The following ATR variants were observed in gnomAD, a reference collection of about 807,000 sequenced individuals.
The protein encoded by ATR is serine/threonine-protein kinase ATR.
ATR carries 142 observed loss-of-function variants against 305.3 expected under a neutral mutation model. The observed-to-expected ratio is 0.47, with a 90% CI of 0.41 to 0.53. The LOEUF (loss-of-function observed/expected upper bound fraction) is 0.53. Among genes scored for constraint, ATR ranks in the 20% least tolerant of loss-of-function variants. The probability of loss-of-function intolerance (pLI) is 0.00; values close to 1 mark genes in which losing one functional copy is unlikely to be tolerated. For missense variants in ATR, 2,135 were observed against 3,133.1 expected (o/e 0.68, Z 7.60); for synonymous variants, 1,050 against 1,068.1 (o/e 0.98, Z 0.33).
chr3:142,550,870 C>T (rs974538508), intron 13 of ATR, among the ~76,000 whole-genome samples: 1 of 152,044 alleles, frequency 6.6e-6, no homozygotes, highest in Non-Finnish European at 1.5e-5. Flanking sequence ...TCACTGCAAC[C>T]GCCACCTCCT....
At chr3:142,549,362 T>C in intron 15 of ATR, 117 bp downstream of exon 15, 2 of 672,360 alleles carry the variant, frequency 3.0e-6, no homozygotes, top group South Asian at 5.7e-5. Context: ...ACATTTAAAC[T>C]TACATTCTTC....
intron 24 of ATR, among the ~76,000 whole-genome samples, chr3:142,516,152 C>T (rs1194152671): frequency 2.6e-5 from 4 of 152,114 alleles, no homozygotes; most frequent in Admixed American, 6.6e-5. Context: ...TCTTCTGTTC[C>T]GTGACCCTGC....
Position 142,465,209 on chromosome 3 carries a change from T to C in ATR, c.6929A>G (p.Lys2310Arg). 1 of 1,611,442 alleles carries C rather than the reference T, an allele frequency of 6.2e-7. No individual in the cohort carries two copies. Among genetic ancestry groups the C allele is most frequent in the Non-Finnish European group, 8.5e-7 (1 of 1,178,360 alleles). Residue 2310 changes from lysine (K) to arginine (R), a missense_variant, in exon 41 of 47, where the codon AAG (lysine) becomes AGG (arginine). Physicochemically the swap from Lys to Arg is conservative, Grantham distance 26. Around this residue, in one of 9 missense-constraint regions of ATR, gnomAD observed 462 missense variants for 887.6 expected, o/e 0.52. Coordinates refer to ENST00000350721, the MANE Select transcript of ATR (RefSeq NM_001184.4). ...VEILASLQKP[K>R]KISLKGSDGK... is the part of the protein sequence containing the mutation. ...ATCTGAGCCTTTTAAAGAAATCTTC[T>C]TTGGTTTCTGAAGAGAAGCAAGAAT...
intron 33 of ATR, among the ~76,000 whole-genome samples, chr3:142,496,731 C>T (rs2031667453): frequency 6.6e-6 from 1 of 152,056 alleles, no homozygotes; most frequent in South Asian, 2.1e-4. Flanking sequence ...ACTTTTCTTA[C>T]AGTGTTCTGT....
intron 8 of ATR, 67 bp downstream of exon 8, chr3:142,558,557 A>AATAAATAAATAAATAG (rs1553771187): frequency 3.2e-6 from 2 of 620,140 alleles, no homozygotes; most frequent in East Asian, 4.2e-5. Flanking sequence ...TAAATAAATA[A>AATAAATAAATAAATAG]ATAGATAGAT....
chr3:142,490,437 A>G (rs1468996100), intron 35 of ATR, among the ~76,000 whole-genome samples: 3 of 152,222 alleles, frequency 2.0e-5, no homozygotes, highest in Non-Finnish European at 4.4e-5. Flanking sequence ...ATGTATTACA[A>G]GTATTTTCTC....
In ATR at chr3:142,554,111, C is replaced by T. The variant is rs76681847; in HGVS notation, c.2342-96G>A. ...CAACAAATAATATGCCATGAAGAAT[C>T]CTAAGTTCTCTTATAATGTCAATGT... On this transcript the variant is annotated intron_variant, in intron 10 of 46. Coordinates refer to ENST00000350721, the MANE Select transcript of ATR (RefSeq NM_001184.4). The T allele has an allele frequency of 2.3e-3, 2,454 of 1,061,520 alleles. 43 individuals carry two copies. The African/African-American group carries it at 0.033, about 14-fold the overall frequency. The allele number at this position is 1,061,520 out of a possible 1,614,324, so 65.8% of individuals were successfully genotyped here. A position where few individuals can be genotyped will look rare whatever the true frequency, so the allele number is the denominator to read the frequency against.
At chr3:142,538,773 T>C (rs914581332) in intron 18 of ATR, 148 bp from the exon 19 acceptor site, 9 of 1,056,554 alleles carry the variant, frequency 8.5e-6, no homozygotes, top group African/African-American at 3.2e-5. Context: ...CAGTGCTATA[T>C]ATTCAAATAA....
At chr3:142,562,182 A>G (rs755071453) in intron 4 of ATR, 50 bp downstream of exon 4, 10 of 1,587,922 alleles carry the variant, frequency 6.3e-6, no homozygotes, top group Admixed American at 1.7e-5. Context: ...GTATACAATT[A>G]AATGATGAAC....
intron 45 of ATR, among the ~76,000 whole-genome samples, chr3:142,453,498 G>C (rs1474650212): frequency 6.6e-6 from 1 of 152,126 alleles, no homozygotes; most frequent in Non-Finnish European, 1.5e-5. Flanking sequence ...ATCTCTAAGT[G>C]TATACTGTGA....
At chr3:142,507,211 C>T (rs2032294822) in intron 28 of ATR, among the ~76,000 whole-genome samples, 1 of 152,146 alleles carries the variant, frequency 6.6e-6, no homozygotes, top group South Asian at 2.1e-4. Flanking sequence ...ATCTTGAGCT[C>T]TTATTTAATT....
intron 1 of ATR, among the ~76,000 whole-genome samples, chr3:142,573,307 C>T (rs2035332612): frequency 1.3e-5 from 2 of 151,616 alleles, no homozygotes; most frequent in Non-Finnish European, 2.9e-5. Flanking sequence ...ATTAGCCAGG[C>T]GTGGTGGTGG....
chr3:142,507,617 C>A (rs984382822), intron 28 of ATR, among the ~76,000 whole-genome samples: 1 of 152,182 alleles, frequency 6.6e-6, no homozygotes, highest in African/African-American at 2.4e-5. Context: ...CACAGAGATG[C>A]CTCTGATTAT....
At chr3:142,536,305 A>G in intron 19 of ATR, 104 bp from the exon 20 acceptor site, 1 of 813,328 alleles carries the variant, frequency 1.2e-6, no homozygotes, top group South Asian at 1.5e-5. Flanking sequence ...CATAATTAAA[A>G]GTGCTAGTTG....
At position 142,454,398 on chromosome 3, in the gene ATR, C is replaced by T. The variant is rs565603304; in HGVS notation, c.7656-1165G>A. On this transcript the variant is annotated intron_variant, in intron 45 of 46. Coordinates refer to ENST00000350721, the MANE Select transcript of ATR (RefSeq NM_001184.4). Reference sequence around the variant, plus strand: ...TCAGAGAATTTGCTTTTGCATATGTCCAACTAACCAGTATTCTACCATAAT... The same window carrying T: ...TCAGAGAATTTGCTTTTGCATATGTTCAACTAACCAGTATTCTACCATAAT... Among the ~76,000 whole-genome samples the T allele has an allele frequency of 9.9e-5, 15 of 150,924 alleles. No individual in the cohort carries two copies. The South Asian group carries it at 2.9e-3, about 29-fold the overall frequency.
chr3:142,540,014 C>G (rs1021438745), intron 18 of ATR, among the ~76,000 whole-genome samples: 4 of 152,084 alleles, frequency 2.6e-5, no homozygotes, highest in African/African-American at 7.2e-5. Context: ...TTATGTGGCT[C>G]ATACTGTGCC....
intron 1 of ATR, among the ~76,000 whole-genome samples, chr3:142,575,583 A>C (rs13068397): frequency 0.34 from 51,342 of 151,982 alleles, 9,186 homozygotes; most frequent in Middle Eastern, 0.44. Flanking sequence ...TCTAGTGGCT[A>C]ATGCTGCTGC....
intron 46 of ATR, chr3:142,452,247 T>C: frequency 1.0e-6 from 1 of 994,996 alleles, no homozygotes; most frequent in Non-Finnish European, 1.2e-6. Context: ...AACTGGAATG[T>C]AAATTTTTAA....
chr3:142,538,499 G>A lies in ATR; in HGVS notation c.3708C>T (p.Tyr1236=), dbSNP rs2108432190. ...TACAATACCTGTTTTCAATTATGAGGTAGTGGAAGATAGCTGCAGTTTCTT... is the reference window on the plus strand; with the variant it reads ...TACAATACCTGTTTTCAATTATGAGATAGTGGAAGATAGCTGCAGTTTCTT... ...QPKETAAIFH[Y]LIIENRDAVQ... The change falls in exon 19 of 47, where the codon TAC becomes TAT. Residue 1236 remains tyrosine, a synonymous_variant. Transcript: ENST00000350721. 1 of 1,612,580 alleles carries A rather than the reference G, an allele frequency of 6.2e-7. No homozygotes were observed. Among genetic ancestry groups the A allele is most frequent in the South Asian group, 1.1e-5 (1 of 90,998 alleles).
Sources: gnomAD v4.1 joint callset for allele counts (sites outside exome capture counted in the v4.1 genomes callset) on GRCh38, gnomAD v4.1.1 for gene constraint, gnomAD v4.1.1 regional missense constraint, MANE v1.5 for transcripts, NCBI Gene and HGNC (gene_info 2026-07-23, HGNC 2026-07-21) for gene names.